The following LRRC69 variants were observed in gnomAD, a reference collection of about 807,000 sequenced individuals.
LRRC69 encodes the protein leucine rich repeat containing 69.
A neutral mutation model predicts 37.8 loss-of-function variants in LRRC69; 42 were observed. That is an observed-to-expected ratio of 1.11 (90% CI 0.87 to 1.44). The LOEUF is 1.44. Among genes scored for constraint, LRRC69 ranks in the 40% most tolerant of loss-of-function variants. The probability of loss-of-function intolerance (pLI) is 0.00; values close to 1 mark genes in which losing one functional copy is unlikely to be tolerated. For synonymous variants in LRRC69, 141 were observed against 143.1 expected, an observed-to-expected ratio of 0.99 and a Z score of 0.11; for missense variants, 357 against 401.9, an observed-to-expected ratio of 0.89 and a Z score of 0.96.
intron 1 of LRRC69, among the ~76,000 whole-genome samples, chr8:91,123,028 A>G (rs949204624): frequency 6.6e-6 from 1 of 152,100 alleles, no homozygotes; most frequent in Non-Finnish European, 1.5e-5. Context: ...ATATGATTTG[A>G]AAAAGACTTA....
At chr8:91,186,007 G>C (rs1809402281) in intron 5 of LRRC69, among the ~76,000 whole-genome samples, 1 of 152,166 alleles carries the variant, frequency 6.6e-6, no homozygotes, top group South Asian at 2.1e-4. Flanking sequence ...TGAAGCAACA[G>C]AAGGACTTGC....
chr8:91,124,512 G>A (rs1377851795), exon 2 of LRRC69: 1 of 1,538,674 alleles, frequency 6.5e-7, no homozygotes. Context: ...CTAAATCTGG[G>A]AAACAACCTT....
rs1809577020 is a variant in LRRC69, at chr8:91,195,320, G to A, written c.754-5293G>A. ...TGGTGCTGAAAAAAATGTATATTCT[G>A]TTGATTTGGGGTGGAGAGTTCTGTA... On this transcript the variant is annotated intron_variant, in intron 6 of 7. Transcript: ENST00000448384. Among the ~76,000 whole-genome samples, 5 of 151,752 alleles carry A rather than the reference G, an allele frequency of 3.3e-5. No homozygotes were observed. The South Asian group carries it at 1.0e-3, about 32-fold the overall frequency.
intron 5 of LRRC69, among the ~76,000 whole-genome samples, chr8:91,178,351 A>C (rs1270916278): frequency 6.6e-6 from 1 of 152,188 alleles, no homozygotes; most frequent in East Asian, 1.9e-4. Context: ...GCCACTTAAA[A>C]CAACAGCTTT....
At chr8:91,137,735 T>C (rs1438413961) in intron 5 of LRRC69, among the ~76,000 whole-genome samples, 1 of 152,080 alleles carries the variant, frequency 6.6e-6, no homozygotes, top group East Asian at 1.9e-4. Flanking sequence ...ATCTGAGCTT[T>C]GGTCCAACCA....
At chr8:91,118,464 G>C (rs1295957450) in intron 1 of LRRC69, 1 of 320,012 alleles carries the variant, frequency 3.1e-6, no homozygotes, top group Non-Finnish European at 6.0e-6. Flanking sequence ...AGGAGGCAGA[G>C]GTTGCAGTGA....
At chr8:91,148,529 G>A (rs534994074) in intron 5 of LRRC69, among the ~76,000 whole-genome samples, 7 of 152,044 alleles carry the variant, frequency 4.6e-5, no homozygotes, top group Admixed American at 2.0e-4. Flanking sequence ...CGTGAATAGT[G>A]CCGCAATAAA....
intron 5 of LRRC69, among the ~76,000 whole-genome samples, chr8:91,186,044 T>C (rs73697138): frequency 0.026 from 3,940 of 152,288 alleles, 161 homozygotes; most frequent in African/African-American, 0.09. Context: ...TCCTGAGTCC[T>C]GGGGCTTTGT....
chr8:91,127,743 A>C (rs969155326), intron 3 of LRRC69, among the ~76,000 whole-genome samples: 1 of 151,694 alleles, frequency 6.6e-6, no homozygotes, highest in Admixed American at 6.6e-5. Flanking sequence ...CCTCTGACAG[A>C]TGGAGAGAGA....
At chr8:91,133,995 T>C (rs1013357662) in intron 4 of LRRC69, among the ~76,000 whole-genome samples, 16 of 151,790 alleles carry the variant, frequency 1.1e-4, no homozygotes, top group African/African-American at 2.4e-5. Flanking sequence ...CAGAACAAAA[T>C]ACAAGTTCAT....
At chr8:91,162,470 C>T (rs1414993337) in intron 5 of LRRC69, among the ~76,000 whole-genome samples, 1 of 151,296 alleles carries the variant, frequency 6.6e-6, no homozygotes, top group Admixed American at 6.6e-5. Context: ...ATGTTATATC[C>T]TCTTACTGAA....
chr8:91,144,075 T>C (rs1221107326), intron 5 of LRRC69, among the ~76,000 whole-genome samples: 1 of 152,098 alleles, frequency 6.6e-6, no homozygotes, highest in East Asian at 1.9e-4. Context: ...TGAGATAATG[T>C]ATATGAATTC....
intron 5 of LRRC69, among the ~76,000 whole-genome samples, chr8:91,182,412 TAATACAA>T (rs1809340393): frequency 6.6e-6 from 1 of 152,166 alleles, no homozygotes; most frequent in Admixed American, 6.5e-5. Context: ...TAAAACATTA[TAATACAA>T]AATAGAAAAT....
intron 5 of LRRC69, among the ~76,000 whole-genome samples, chr8:91,153,390 C>T (rs1293958102): frequency 1.3e-5 from 2 of 151,192 alleles, no homozygotes; most frequent in Admixed American, 1.3e-4. Flanking sequence ...AACTTTCCAC[C>T]CCCAAACAAC....
chr8:91,192,575 T>C (rs1809517882), intron 6 of LRRC69, among the ~76,000 whole-genome samples: 1 of 151,886 alleles, frequency 6.6e-6, no homozygotes, highest in Non-Finnish European at 1.5e-5. Context: ...GTGGTTTTGA[T>C]TTGCATTTCT....
At chr8:91,211,145 T>C (rs1216732072) in intron 7 of LRRC69, among the ~76,000 whole-genome samples, 1 of 152,116 alleles carries the variant, frequency 6.6e-6, no homozygotes. Flanking sequence ...TATGTGTAGA[T>C]ACATTGATAG....
chr8:91,174,844 G>A (rs10282965), intron 5 of LRRC69, among the ~76,000 whole-genome samples: 9,016 of 152,120 alleles, frequency 0.059, 366 homozygotes, highest in African/African-American at 0.11. Flanking sequence ...CTAGGTATAC[G>A]GCTCTCCTAT....
At chr8:91,104,042 A>G (rs1031105789) in intron 1 of LRRC69, among the ~76,000 whole-genome samples, 1 of 151,832 alleles carries the variant, frequency 6.6e-6, no homozygotes, top group Non-Finnish European at 1.5e-5. Context: ...TAACTCATCT[A>G]TTTTATTGAT....
intron 5 of LRRC69, among the ~76,000 whole-genome samples, chr8:91,148,647 C>T (rs1343963474): frequency 1.3e-5 from 2 of 151,850 alleles, no homozygotes; most frequent in South Asian, 2.1e-4. Context: ...AGATCCCTGA[C>T]GAATCACCAC....
Sources: allele counts gnomAD v4.1 joint callset (sites outside exome capture counted in the v4.1 genomes callset), GRCh38; gene constraint gnomAD v4.1.1; transcripts MANE v1.5; gene names NCBI Gene and HGNC (gene_info 2026-07-23, HGNC 2026-07-21).